Variants in ABL1 observed in about 807,000 individuals in gnomAD.
ABL1 encodes tyrosine-protein kinase ABL1.
In ABL1, 11 loss-of-function variants were observed where a neutral mutation model predicts 94.7. The observed-to-expected ratio is 0.12, with a 90% CI of 0.07 to 0.19. ABL1 has a LOEUF of 0.19. ABL1 is among the 10% of genes least tolerant of loss of function. The probability of loss-of-function intolerance (pLI) is 1.00; values close to 1 mark genes in which losing one functional copy is unlikely to be tolerated. For synonymous variants in ABL1, 656 were observed against 622.4 expected (o/e 1.05, Z -0.80); for missense variants, 1,082 against 1,489.4 (o/e 0.73, Z 4.50).
At chr9:130,768,702 C>T (rs1205293097) in intron 1 of ABL1, among the ~76,000 whole-genome samples, 2 of 152,194 alleles carry the variant, frequency 1.3e-5, no homozygotes, top group African/African-American at 4.8e-5. Context: ...TCCTTCCAAG[C>T]CTTGGAGGAC....
intron 1 of ABL1, among the ~76,000 whole-genome samples, chr9:130,808,524 A>G (rs1222935496): frequency 6.6e-6 from 1 of 152,116 alleles, no homozygotes; most frequent in African/African-American, 2.4e-5. Flanking sequence ...GATTACAGGC[A>G]TGAGCCATCG....
chr9:130,853,173 T>TC (rs1554768560), intron 1 of ABL1, among the ~76,000 whole-genome samples: 4 of 126,848 alleles, frequency 3.2e-5, no homozygotes, highest in African/African-American at 8.9e-5. Context: ...GACTTTTCTT[T>TC]TTTTTTTTTT....
In ABL1 at chr9:130,880,300, G is replaced by A. The variant is rs547560159; in HGVS notation, c.1513+143G>A. ...CCAGAAAGCTGGGCAGAGGTGTGGA[G>A]TATTGTGCTTTCTTGTCTGCTGCAG... On this transcript the variant is annotated intron_variant, in intron 9 of 10. Transcript: ENST00000318560. The surrounding 1 kb of genome is among the most constrained non-coding windows in gnomAD (Gnocchi z 4.4). 2.7e-6 allele frequency: 3 copies of A among 1,107,204 alleles called. No individual in the cohort carries two copies. The highest frequency in any genetic ancestry group is 4.0e-5 in the Admixed American group (2 of 49,812). The allele number at this position is 1,107,204 out of a possible 1,614,324, so 68.6% of individuals were successfully genotyped here. A position where few individuals can be genotyped will look rare whatever the true frequency, so the allele number is the denominator to read the frequency against.
intron 1 of ABL1, among the ~76,000 whole-genome samples, chr9:130,761,914 G>A (rs1045360499): frequency 5.3e-5 from 8 of 151,884 alleles, no homozygotes; most frequent in African/African-American, 1.7e-4. Flanking sequence ...AGGCCGAGGC[G>A]GGTGGATCAC....
chr9:130,825,178 G>C (rs1830408890), intron 1 of ABL1, among the ~76,000 whole-genome samples: 1 of 152,180 alleles, frequency 6.6e-6, no homozygotes, highest in African/African-American at 2.4e-5. Context: ...AACTGCCCCA[G>C]AGATAACTTG....
At chr9:130,854,352 G>A (rs1830939484) in intron 2 of ABL1, 115 bp downstream of exon 2, 1 of 1,212,520 alleles carries the variant, frequency 8.2e-7, no homozygotes, top group Non-Finnish European at 1.2e-6. Flanking sequence ...TGGACTGCAG[G>A]GATATCCAAA....
intron 1 of ABL1, among the ~76,000 whole-genome samples, chr9:130,738,313 G>T (rs1831771524): frequency 6.6e-6 from 1 of 152,048 alleles, no homozygotes. Flanking sequence ...AGGTAACTTG[G>T]GTTGCATGCT....
At position 130,854,743 on chromosome 9, in the gene ABL1, A is replaced by G. The variant is rs1178319195; in HGVS notation, c.254-58A>G. ...TTAGTAGTTACACAAGAATCAATGA[A>G]AAAGAACGAAGCTGGTTTCCAAAGC... On this transcript the variant is annotated intron_variant, in intron 2 of 10. Transcript: ENST00000318560. 2.0e-6 allele frequency: 3 copies of G among 1,532,224 alleles called. No homozygotes were observed. In the African/African-American group the frequency reaches 4.2e-5, roughly 21 times the overall value. The allele number at this position is 1,532,224 out of a possible 1,614,324, so 94.9% of individuals were successfully genotyped here.
At chr9:130,871,094 GC>G (rs1378495073) in intron 4 of ABL1, among the ~76,000 whole-genome samples, 6 of 152,190 alleles carry the variant, frequency 3.9e-5, no homozygotes, top group Non-Finnish European at 7.3e-5. Flanking sequence ...CTGTTCCCCT[GC>G]AGTCTTTTCT....
chr9:130,825,948 G>A (rs1371924348), intron 1 of ABL1, among the ~76,000 whole-genome samples: 1 of 152,154 alleles, frequency 6.6e-6, no homozygotes, highest in Non-Finnish European at 1.5e-5. Context: ...TCAGCCTAGT[G>A]TCCTAAAACT....
At chr9:130,726,765 C>T (rs1831592048) in intron 1 of ABL1, among the ~76,000 whole-genome samples, 1 of 152,092 alleles carries the variant, frequency 6.6e-6, no homozygotes, top group African/African-American at 2.4e-5. Flanking sequence ...TGAGCCACTG[C>T]ACCCAGCCTA....
chr9:130,857,311 G>A (rs3780286), intron 3 of ABL1, among the ~76,000 whole-genome samples: 8,027 of 152,200 alleles, frequency 0.053, 213 homozygotes, highest in Admixed American at 0.084. Flanking sequence ...CCATGAAAGG[G>A]CTTGTTTCCC....
In ABL1 at chr9:130,755,935, A is replaced by G. The variant is rs565472875; in HGVS notation, c.136+41480A>G. Among the ~76,000 whole-genome samples, 6 of 152,344 alleles carry G rather than the reference A, an allele frequency of 3.9e-5. No homozygotes were observed. The South Asian group carries it at 1.2e-3, about 32-fold the overall frequency. ...TTCAAGGGCTTCCGTGTGCAGCAGC[A>G]GCACTCTGTAATATCATAGATGAAT... is the stretch of plus-strand genomic sequence containing the variant. On this transcript the variant is annotated intron_variant, in intron 1 of 10. Coordinates refer to the ABL1 transcript ENST00000372348.
chr9:130,756,122 AGG>A (rs1832038700), intron 1 of ABL1, among the ~76,000 whole-genome samples: 1 of 152,216 alleles, frequency 6.6e-6, no homozygotes, highest in Non-Finnish European at 1.5e-5. Flanking sequence ...AGAGAAGAAC[AGG>A]TTTTTAAATG....
Position 130,862,752 on chromosome 9 carries a change from G to T in ABL1, c.550-11G>T. 1 of 1,611,932 alleles carries T rather than the reference G, an allele frequency of 6.2e-7. No homozygotes were observed. On this transcript the variant is annotated splice_polypyrimidine_tract_variant and intron_variant, in intron 3 of 10. Coordinates refer to ENST00000318560, the MANE Select transcript of ABL1 (RefSeq NM_005157.6). The surrounding 1 kb of genome is among the most constrained non-coding windows in gnomAD (Gnocchi z 5.5). The stretch of plus-strand genomic sequence containing the variant: ...CTCTGTGGGCTGAAGGCTGTTCCCT[G>T]TTTCCTTCAGCTCTACGTCTCCTCC...
intron 1 of ABL1, among the ~76,000 whole-genome samples, chr9:130,746,814 A>C (rs1212214742): frequency 6.6e-6 from 1 of 152,226 alleles, no homozygotes; most frequent in Middle Eastern, 3.4e-3. Context: ...TGTCTGCTGT[A>C]ATAAGGTACC....
chr9:130,809,823 G>T (rs942291956), intron 1 of ABL1, among the ~76,000 whole-genome samples: 20 of 152,198 alleles, frequency 1.3e-4, no homozygotes, highest in Non-Finnish European at 2.5e-4. Flanking sequence ...GTATGGCCCA[G>T]TCAAGTTGAC....
At chr9:130,825,328 T>C (rs1013756404) in intron 1 of ABL1, among the ~76,000 whole-genome samples, 2 of 152,158 alleles carry the variant, frequency 1.3e-5, no homozygotes, top group Non-Finnish European at 2.9e-5. Context: ...CACCCCCAAA[T>C]GTAACGTGAT....
In ABL1 at chr9:130,878,481, C is replaced by G; in HGVS notation, c.1337C>G (p.Ser446Cys). 1 of 1,614,194 alleles carries G rather than the reference C, an allele frequency of 6.2e-7. No homozygotes were observed. Among genetic ancestry groups the G allele is most frequent in the Non-Finnish European group, 8.5e-7 (1 of 1,180,032 alleles). The change falls in exon 8 of 11, where the codon TCC (serine) becomes TGC (cysteine). Residue 446 changes from serine (S) to cysteine (C), a missense_variant. By Grantham distance (112) the Ser-to-Cys change is moderately radical. Coordinates refer to ENST00000318560, the MANE Select transcript of ABL1 (RefSeq NM_005157.6). ...GMSPYPGIDL[S>C]QVYELLEKDY... ...TCCCCTTACCCGGGAATTGACCTGT[C>G]CCAGGTGTATGAGCTGCTAGAGAAG...
Sources: allele counts gnomAD v4.1 joint callset (sites outside exome capture counted in the v4.1 genomes callset), GRCh38; gene constraint gnomAD v4.1.1; non-coding constraint Gnocchi (gnomAD v3.1); transcripts MANE v1.5; gene names NCBI Gene and HGNC (gene_info 2026-07-23, HGNC 2026-07-21).